Variants in KCNQ3 observed in about 807,000 individuals in gnomAD.
KCNQ3 encodes the protein potassium voltage-gated channel subfamily KQT member 3.
KCNQ3 carries 30 observed loss-of-function variants against 92.5 expected under a neutral mutation model. The observed-to-expected ratio is 0.32, with a 90% CI of 0.24 to 0.44. KCNQ3 has a LOEUF of 0.44. Ranked by LOEUF, KCNQ3 falls within the 20% of genes least tolerant of loss-of-function variation. The pLI, the probability that KCNQ3 is intolerant of heterozygous loss-of-function variation, is 1.00. For missense variants in KCNQ3, 913 were observed against 1,140.3 expected (o/e 0.80, Z 2.87); for synonymous variants, 450 against 468.8 (o/e 0.96, Z 0.52).
rs537232932 is a variant in KCNQ3, at chr8:132,134,251, T to C, written c.1799+39A>G. On this transcript the variant is annotated intron_variant, in intron 13 of 14. Coordinates refer to ENST00000388996, the MANE Select transcript of KCNQ3 (RefSeq NM_004519.4). ...GGGGGTGGGGATGCTTTACAAACTT[T>C]GCACCCCTGGCCCATCAGTCCATGT... The C allele has an allele frequency of 7.4e-5, 111 of 1,506,578 alleles. No homozygotes were observed. The East Asian group carries it at 2.4e-3, about 33-fold the overall frequency. The allele number at this position is 1,506,578 out of a possible 1,614,324, so 93.3% of individuals were successfully genotyped here.
Position 132,334,993 on chromosome 8 carries a change from TCTTCCTTCCTTCCTTC to T in KCNQ3, c.386+145138_386+145153del, listed in dbSNP as rs68135959. 6.7e-5 allele frequency among the ~76,000 whole-genome samples: 10 copies of T among 149,632 alleles called. No homozygotes were observed. In the East Asian group the frequency reaches 1.8e-3, roughly 27 times the overall value. ...AAAAACAAGTCATCTTAGACATTTT[TCTTCCTTCCTTCCTTC>T]CTTCCTTCCTTCCTTCCTTGTTTTC... On this transcript the variant is annotated intron_variant, in intron 1 of 14. Coordinates refer to ENST00000388996, the MANE Select transcript of KCNQ3 (RefSeq NM_004519.4).
At chr8:132,409,954 C>A in intron 1 of KCNQ3, among the ~76,000 whole-genome samples, 1 of 152,102 alleles carries the variant, frequency 6.6e-6, no homozygotes, top group East Asian at 1.9e-4. Flanking sequence ...TTTTGCCTGT[C>A]AAATCTTATT....
chr8:132,288,390 T>C (rs1169997950), intron 1 of KCNQ3, among the ~76,000 whole-genome samples: 2 of 152,192 alleles, frequency 1.3e-5, no homozygotes, highest in Non-Finnish European at 2.9e-5. Context: ...CTTGTAAAAG[T>C]CATTTCTCAA....
chr8:132,412,730 C>T (rs958723250), intron 1 of KCNQ3, among the ~76,000 whole-genome samples: 1 of 152,128 alleles, frequency 6.6e-6, no homozygotes, highest in Non-Finnish European at 1.5e-5. Context: ...ATGGCCACCT[C>T]CCCTGCCCTG....
chr8:132,220,613 G>C (rs1363549177), intron 1 of KCNQ3, among the ~76,000 whole-genome samples: 3 of 152,114 alleles, frequency 2.0e-5, no homozygotes, highest in African/African-American at 7.2e-5. Context: ...GCTGGGCATG[G>C]TGATGGATGC....
intron 1 of KCNQ3, among the ~76,000 whole-genome samples, chr8:132,191,421 G>C (rs1204571546): frequency 1.3e-5 from 2 of 152,028 alleles, no homozygotes; most frequent in African/African-American, 2.4e-5. Context: ...ACCTCTCAAA[G>C]TATGGAGATC....
rs10673519 is a variant in KCNQ3, at chr8:132,133,354, C to CTTTTTTTT, written c.1799+928_1799+935dup. 6.4e-4 allele frequency among the ~76,000 whole-genome samples: 66 copies of CTTTTTTTT among 103,474 alleles called. 7 individuals are homozygous for CTTTTTTTT. Among genetic ancestry groups the CTTTTTTTT allele is most frequent in the Non-Finnish European group, 8.7e-4 (48 of 55,048 alleles). The allele number at this position is 103,474 out of a possible 152,430, so 67.9% of individuals were successfully genotyped here. ...TATCATCACGTTAATGCTCTCGATT[C>CTTTTTTTT]TTTTTTTTTTTTTTTTTTTTGAGAT... On this transcript the variant is annotated intron_variant, in intron 13 of 14. Coordinates refer to ENST00000388996, the MANE Select transcript of KCNQ3 (RefSeq NM_004519.4).
chr8:132,434,052 T>C (rs1186508693), intron 1 of KCNQ3, among the ~76,000 whole-genome samples: 2 of 151,238 alleles, frequency 1.3e-5, no homozygotes, highest in South Asian at 2.1e-4. Context: ...ACTAAAAATA[T>C]AAAAAATTAG....
intron 1 of KCNQ3, among the ~76,000 whole-genome samples, chr8:132,253,618 T>C (rs1030972368): frequency 2.6e-5 from 4 of 152,260 alleles, no homozygotes; most frequent in African/African-American, 9.6e-5. Context: ...ATTTTCCCTC[T>C]GCTTCGTTTT....
chr8:132,228,536 C>A (rs1173345630), intron 1 of KCNQ3, among the ~76,000 whole-genome samples: 2 of 152,240 alleles, frequency 1.3e-5, no homozygotes, highest in South Asian at 4.1e-4. Context: ...TTAATTACTA[C>A]ACGGAAATAC....
At chr8:132,344,986 C>T (rs926429609) in intron 1 of KCNQ3, among the ~76,000 whole-genome samples, 6 of 152,154 alleles carry the variant, frequency 3.9e-5, no homozygotes, top group Non-Finnish European at 8.8e-5. Flanking sequence ...TCAAGGTCAA[C>T]TTTCAGCTCC....
At chr8:132,200,578 G>A (rs879513681) in intron 1 of KCNQ3, among the ~76,000 whole-genome samples, 2 of 152,080 alleles carry the variant, frequency 1.3e-5, no homozygotes, top group Admixed American at 6.5e-5. Context: ...CACCCCTGTC[G>A]TGTTAGATAA....
At chr8:132,414,116 A>G (rs1820728716) in intron 1 of KCNQ3, among the ~76,000 whole-genome samples, 2 of 152,178 alleles carry the variant, frequency 1.3e-5, no homozygotes, top group African/African-American at 2.4e-5. Flanking sequence ...ACTTCCTACA[A>G]TACACGCTGT....
intron 6 of KCNQ3, 145 bp downstream of exon 6, chr8:132,174,094 G>A: frequency 1.4e-6 from 1 of 702,134 alleles, no homozygotes; most frequent in Admixed American, 2.1e-5. Flanking sequence ...GTGGCAAAAA[G>A]GCAGGATCAT....
chr8:132,430,122 C>G, intron 1 of KCNQ3, among the ~76,000 whole-genome samples: 1 of 152,164 alleles, frequency 6.6e-6, no homozygotes, highest in East Asian at 1.9e-4. Flanking sequence ...AGAGAGGCCT[C>G]TTGGTTCTTT....
At chr8:132,136,443 A>G (rs924728370) in intron 12 of KCNQ3, among the ~76,000 whole-genome samples, 2 of 152,294 alleles carry the variant, frequency 1.3e-5, no homozygotes, top group South Asian at 2.1e-4. Flanking sequence ...AGCTTATTAA[A>G]GATTTGATAC....
Position 132,293,233 on chromosome 8 carries a change from A to G in KCNQ3, c.387-107052T>C, listed in dbSNP as rs200977428. ...TTCTGTGAGCTATTCTAGCAAATCA[A>G]TCGAACTCAAAGAGGGGGTCATGGG... On this transcript the variant is annotated intron_variant, in intron 1 of 14. Coordinates refer to ENST00000388996, the MANE Select transcript of KCNQ3 (RefSeq NM_004519.4). Among the ~76,000 whole-genome samples, 4 of 152,216 alleles carry G rather than the reference A, an allele frequency of 2.6e-5. No homozygotes were observed. In the East Asian group the frequency reaches 7.7e-4, roughly 29 times the overall value.
At chr8:132,283,076 CT>C (rs1816577179) in intron 1 of KCNQ3, among the ~76,000 whole-genome samples, 1 of 39,190 alleles carries the variant, frequency 2.6e-5, no homozygotes, top group Non-Finnish European at 8.7e-5. Context: ...AGATGAGGAT[CT>C]CTCTCTCTCT....
intron 1 of KCNQ3, among the ~76,000 whole-genome samples, 157 bp downstream of exon 1, chr8:132,479,990 A>ACACACACACC (rs1554660746): frequency 1.4e-5 from 2 of 147,696 alleles, no homozygotes; most frequent in South Asian, 2.1e-4. Flanking sequence ...ACACACACAC[A>ACACACACACC]CACCCAGGGA....
Sources: gnomAD v4.1 joint callset for allele counts (sites outside exome capture counted in the v4.1 genomes callset) on GRCh38, gnomAD v4.1.1 for gene constraint, MANE v1.5 for transcripts, NCBI Gene and HGNC (gene_info 2026-07-23, HGNC 2026-07-21) for gene names.